SLC16A10: variants seen among roughly 807,000 people sequenced by gnomAD.
The protein encoded by SLC16A10 is monocarboxylate transporter 10.
SLC16A10 carries 27 observed loss-of-function variants against 40.0 expected under a neutral mutation model. The ratio of observed to expected loss-of-function variants is 0.67; its 90% CI spans 0.50 to 0.93. The LOEUF (loss-of-function observed/expected upper bound fraction) is 0.93. Among genes scored for constraint, SLC16A10 ranks in the 40% least tolerant of loss-of-function variants. SLC16A10 has a pLI of 0.00. For missense variants in SLC16A10, 529 were observed against 658.2 expected (o/e 0.80, Z 2.15); for synonymous variants, 213 against 249.8 (o/e 0.85, Z 1.39).
At chr6:111,094,379 T>C (rs551270930) in intron 1 of SLC16A10, among the ~76,000 whole-genome samples, 1 of 152,346 alleles carries the variant, frequency 6.6e-6, no homozygotes, top group South Asian at 2.1e-4. Flanking sequence ...AGCTACACCA[T>C]ACAACCTTCC....
At chr6:111,104,169 G>T (rs1362056658) in intron 1 of SLC16A10, among the ~76,000 whole-genome samples, 1 of 152,170 alleles carries the variant, frequency 6.6e-6, no homozygotes, top group African/African-American at 2.4e-5. Context: ...GCCAAGGTAA[G>T]CTTGGACATT....
chr6:111,216,078 C>A (rs567218972), intron 4 of SLC16A10, among the ~76,000 whole-genome samples: 2 of 152,242 alleles, frequency 1.3e-5, no homozygotes, highest in South Asian at 4.2e-4. Flanking sequence ...AATTTCAAAC[C>A]CTTTTCTACA....
chr6:111,111,759 A>T (rs944623184), intron 1 of SLC16A10, among the ~76,000 whole-genome samples: 20 of 152,268 alleles, frequency 1.3e-4, no homozygotes, highest in African/African-American at 4.6e-4. Flanking sequence ...TCGTGTAAGT[A>T]TTTGTCTTTC....
At chr6:111,158,477 C>T (rs1772312386) in intron 1 of SLC16A10, among the ~76,000 whole-genome samples, 1 of 152,042 alleles carries the variant, frequency 6.6e-6, no homozygotes, top group Admixed American at 6.5e-5. Flanking sequence ...AACCTAGATC[C>T]CCTGCATGCA....
intron 2 of SLC16A10, among the ~76,000 whole-genome samples, chr6:111,176,582 G>A (rs1772687713): frequency 6.6e-6 from 1 of 152,196 alleles, no homozygotes; most frequent in Admixed American, 6.5e-5. Flanking sequence ...ATGATTTCTT[G>A]TTGTCTTGCA....
At chr6:111,126,825 C>G (rs918149169) in intron 1 of SLC16A10, among the ~76,000 whole-genome samples, 3 of 152,106 alleles carry the variant, frequency 2.0e-5, no homozygotes, top group African/African-American at 7.2e-5. Context: ...AATACTAGCT[C>G]TACCAATTAC....
At chr6:111,088,208 G>A in intron 1 of SLC16A10, 113 bp downstream of exon 1, 1 of 1,080,386 alleles carries the variant, frequency 9.3e-7, no homozygotes, top group Non-Finnish European at 1.3e-6. Flanking sequence ...GGGTCCCTGT[G>A]CCAGAGGGTG....
chr6:111,211,707 T>A (rs987658741), intron 4 of SLC16A10, among the ~76,000 whole-genome samples: 1 of 152,254 alleles, frequency 6.6e-6, no homozygotes, highest in African/African-American at 2.4e-5. Context: ...TGCAGGATGC[T>A]GGACTCGTTC....
intron 1 of SLC16A10, among the ~76,000 whole-genome samples, chr6:111,166,986 C>T (rs1252981516): frequency 6.6e-6 from 1 of 152,200 alleles, no homozygotes; most frequent in Non-Finnish European, 1.5e-5. Context: ...TTTTTGGCAT[C>T]TATGTCTCAA....
chr6:111,102,848 A>C (rs1462647094), intron 1 of SLC16A10, among the ~76,000 whole-genome samples: 1 of 152,158 alleles, frequency 6.6e-6, no homozygotes, highest in African/African-American at 2.4e-5. Context: ...AATTCCGTTG[A>C]AAATATTTTA....
chr6:111,178,484 C>G (rs756215002), intron 3 of SLC16A10: 46 of 525,490 alleles, frequency 8.8e-5, no homozygotes, highest in Middle Eastern at 1.3e-3. Context: ...AATCCCACCA[C>G]TTTGGGGGGC....
At chr6:111,201,068 C>T (rs1773160596) in intron 3 of SLC16A10, among the ~76,000 whole-genome samples, 2 of 152,278 alleles carry the variant, frequency 1.3e-5, no homozygotes, top group African/African-American at 4.8e-5. Flanking sequence ...AAATGTAAAA[C>T]ATACAGGTCC....
chr6:111,109,816 A>G (rs1207644979), intron 1 of SLC16A10, among the ~76,000 whole-genome samples: 1 of 152,164 alleles, frequency 6.6e-6, no homozygotes, highest in African/African-American at 2.4e-5. Flanking sequence ...GTTGCCTATT[A>G]TGAATAGAAC....
At chr6:111,188,513 G>A (rs915568014) in intron 3 of SLC16A10, among the ~76,000 whole-genome samples, 1 of 151,764 alleles carries the variant, frequency 6.6e-6, no homozygotes, top group African/African-American at 2.4e-5. Flanking sequence ...TTAGAGACAG[G>A]GTCTTGCTAT....
chr6:111,087,856 C>T lies in SLC16A10; in HGVS notation c.104C>T (p.Pro35Leu), dbSNP rs1173708220. 2.8e-6 allele frequency: 4 copies of T among 1,453,396 alleles called. No individual in the cohort carries two copies. The highest frequency in any genetic ancestry group is 2.7e-6 in the Non-Finnish European group (3 of 1,109,526). The allele number at this position is 1,453,396 out of a possible 1,614,324, so 90.0% of individuals were successfully genotyped here. Residue 35 changes from proline to leucine, a missense_variant, in exon 1 of 6, where the codon CCC (proline) becomes CTC (leucine). Pro to Leu is a moderately conservative substitution (Grantham distance 98). Coordinates refer to ENST00000368851, the MANE Select transcript of SLC16A10 (RefSeq NM_018593.5). ...GCCGCTCCGCCGCCCGGCCCGGGAC[C>T]CTCGGACAGCCCCGAGGCGGCTGTC... ...TGAAPPPGPG[P>L]SDSPEAAVEK...
At chr6:111,173,670 C>G (rs1002333216) in intron 2 of SLC16A10, 2 of 152,244 alleles carry the variant, frequency 1.3e-5, no homozygotes, top group African/African-American at 4.8e-5. Flanking sequence ...TATGAGGGAT[C>G]TAGGTTGCAC....
intron 1 of SLC16A10, among the ~76,000 whole-genome samples, chr6:111,100,994 A>C (rs9384786): frequency 0.042 from 2,620 of 62,088 alleles, 21 homozygotes; most frequent in East Asian, 0.13. Context: ...CTCTCTCTCT[A>C]TATATATATA....
chr6:111,216,910 C>T (rs1773435270), intron 4 of SLC16A10, among the ~76,000 whole-genome samples: 1 of 152,152 alleles, frequency 6.6e-6, no homozygotes, highest in African/African-American at 2.4e-5. Flanking sequence ...ACCAACACTC[C>T]TGAATTCCAC....
chr6:111,168,006 G>A (rs114776430), intron 1 of SLC16A10, among the ~76,000 whole-genome samples: 3,739 of 150,638 alleles, frequency 0.025, 143 homozygotes, highest in African/African-American at 0.085. Flanking sequence ...TTGAAACAGA[G>A]TCTTACTCTC....
Sources: allele counts gnomAD v4.1 joint callset (sites outside exome capture counted in the v4.1 genomes callset), GRCh38; gene constraint gnomAD v4.1.1; transcripts MANE v1.5; gene names NCBI Gene and HGNC (gene_info 2026-07-23, HGNC 2026-07-21).